The following CELSR1 variants were observed in gnomAD, a reference collection of about 807,000 sequenced individuals.
CELSR1 encodes the protein adhesion G protein-coupled receptor C1.
CELSR1 carries 110 observed loss-of-function variants against 249.1 expected under a neutral mutation model. The ratio of observed to expected loss-of-function variants is 0.44; its 90% CI spans 0.38 to 0.52. The LOEUF (loss-of-function observed/expected upper bound fraction) is 0.52. CELSR1 is among the 20% of genes least tolerant of loss of function. The pLI is 0.00. For missense variants in CELSR1, 4,109 were observed against 4,296.4 expected (o/e 0.96, Z 1.22); for synonymous variants, 2,113 against 1,900.0 (o/e 1.11, Z -2.92).
chr22:46,522,620 G>C (rs1357373227), intron 1 of CELSR1, among the ~76,000 whole-genome samples: 1 of 152,220 alleles, frequency 6.6e-6, no homozygotes, highest in East Asian at 1.9e-4. Flanking sequence ...TTTCATAACA[G>C]TTTTTAAATG....
rs555909737 is a variant in CELSR1 at position 46,447,591 on chromosome 22, G to A, written c.4184-8180C>T. ...CCTGCCAAAAGCTCCCCCTCTCCCC[G>A]TAGGAGGGACGCAGGGCTCAGCTTC... On this transcript the variant is annotated intron_variant, in intron 2 of 34. Transcript: ENST00000674500. The surrounding 1 kb of genome is among the most constrained non-coding windows in gnomAD (Gnocchi z 4.7). 2.8e-4 allele frequency among the ~76,000 whole-genome samples: 43 copies of A among 152,228 alleles called. No homozygotes were observed. The highest frequency in any genetic ancestry group is 8.9e-4 in the African/African-American group (37 of 41,536).
rs1459364704 is a variant in CELSR1 at position 46,440,749 on chromosome 22, T to C, written c.4184-1338A>G. Among the ~76,000 whole-genome samples, 3 of 152,362 alleles carry C rather than the reference T, an allele frequency of 2.0e-5. No individual in the cohort carries two copies. The East Asian group carries it at 5.8e-4, about 29-fold the overall frequency. ...TTCATGGCAATTTCCCCCAGCTTAA[T>C]GTTTAACATTAGGTTTTATGTATTT... On this transcript the variant is annotated intron_variant, in intron 2 of 34. Transcript: ENST00000674500. This position sits in a 1 kb window ranked among gnomAD's most constrained non-coding sequence, Gnocchi z 4.7.
chr22:46,422,664 G>GA, intron 5 of CELSR1, among the ~76,000 whole-genome samples: 1 of 151,660 alleles, frequency 6.6e-6, no homozygotes, highest in South Asian at 2.1e-4. Context: ...CTACTCAGGA[G>GA]ACTGAGGCAG....
rs1486832588 is a variant in CELSR1 at position 46,396,995 on chromosome 22, C to T, written c.5702-249G>A. Among the ~76,000 whole-genome samples the T allele has an allele frequency of 1.3e-5, 2 of 151,404 alleles. No homozygotes were observed. Among genetic ancestry groups the T allele is most frequent in the African/African-American group, 4.9e-5 (2 of 40,748 alleles). On this transcript the variant is annotated intron_variant, in intron 12 of 34. Coordinates refer to ENST00000674500, the MANE Select transcript of CELSR1 (RefSeq NM_001378328.1). This position sits in a 1 kb window ranked among gnomAD's most constrained non-coding sequence, Gnocchi z 6.4. ...GCCTTGGAACACGGGGCCCAGGCTG[C>T]CCCAGGACACATGGGGAATGGCCAC...
At chr22:46,456,629 C>T (rs951615524) in intron 2 of CELSR1, among the ~76,000 whole-genome samples, 19 of 128,542 alleles carry the variant, frequency 1.5e-4, no homozygotes, top group African/African-American at 2.6e-4. Context: ...TGCCGCTGCA[C>T]TTCAGCCTGG....
chr22:46,389,223 G>A (rs2079062243), intron 18 of CELSR1, 67 bp downstream of exon 18: 2 of 1,536,128 alleles, frequency 1.3e-6, no homozygotes, highest in African/African-American at 2.7e-5. Context: ...CAGCCCCACA[G>A]CACCCACCCA....
At chr22:46,369,977 T>C (rs1286410451) in intron 25 of CELSR1, 173 bp from the exon 26 acceptor site, 1 of 678,536 alleles carries the variant, frequency 1.5e-6, no homozygotes, top group Admixed American at 2.1e-5. Flanking sequence ...AGTCTCTCCG[T>C]GTAGGGTCTC....
chr22:46,433,623 G>C lies in CELSR1; in HGVS notation c.4523-142C>G. Reference sequence around the variant, plus strand: ...TCCCCTCCCCACGGCACCATGGTGGGAGGCGCCCACCACTCCATCCATTTT... The same window carrying C: ...TCCCCTCCCCACGGCACCATGGTGGCAGGCGCCCACCACTCCATCCATTTT... On this transcript the variant is annotated intron_variant, in intron 4 of 34. Coordinates refer to ENST00000674500, the MANE Select transcript of CELSR1 (RefSeq NM_001378328.1). This position sits in a 1 kb window ranked among gnomAD's most constrained non-coding sequence, Gnocchi z 5.7. The C allele has an allele frequency of 1.6e-6, 1 of 618,060 alleles. No homozygotes were observed. 38.3% of individuals were successfully genotyped at this position (618,060 alleles called of 1,614,324 possible).
chr22:46,491,507 C>G (rs2147698898), intron 1 of CELSR1, among the ~76,000 whole-genome samples: 1 of 152,048 alleles, frequency 6.6e-6, no homozygotes, highest in South Asian at 2.1e-4. Flanking sequence ...TTGTGATCTG[C>G]CCACTTCGGC....
Position 46,448,358 on chromosome 22 carries a change from T to TG in CELSR1, c.4184-8948dup. Reference sequence around the variant, plus strand: ...GCTCAAGAGCTCCAGAACTTACCCCTGGGGGGCTGCTCCAGGAGCTAGGAG... The same window carrying TG: ...GCTCAAGAGCTCCAGAACTTACCCCTGGGGGGGCTGCTCCAGGAGCTAGGAG... On this transcript the variant is annotated intron_variant, in intron 2 of 34. Coordinates refer to ENST00000674500, the MANE Select transcript of CELSR1 (RefSeq NM_001378328.1). This position sits in a 1 kb window ranked among gnomAD's most constrained non-coding sequence, Gnocchi z 5.7. 6.6e-6 allele frequency among the ~76,000 whole-genome samples: 1 copy of TG among 151,586 alleles called. No individual in the cohort carries two copies. The highest frequency in any genetic ancestry group is 2.4e-5 in the African/African-American group (1 of 41,288).
In CELSR1 at chr22:46,380,757, C is replaced by T; in HGVS notation, c.7256+31G>A. On this transcript the variant is annotated intron_variant, in intron 22 of 34. Coordinates refer to ENST00000674500, the MANE Select transcript of CELSR1 (RefSeq NM_001378328.1). This position sits in a 1 kb window ranked among gnomAD's most constrained non-coding sequence, Gnocchi z 5.1. ...CGGGGGCACTCTGCCTTGGCAAAGC[C>T]CTCACATGGGGCTCCTGGCGTCACA... 6.2e-7 allele frequency: 1 copy of T among 1,604,214 alleles called. No individual in the cohort carries two copies. The highest frequency in any genetic ancestry group is 8.5e-7 in the Non-Finnish European group (1 of 1,174,700).
chr22:46,511,409 G>C (rs908315133), intron 1 of CELSR1, among the ~76,000 whole-genome samples: 11 of 152,164 alleles, frequency 7.2e-5, no homozygotes, highest in African/African-American at 2.4e-4. Context: ...TCCCAACCGG[G>C]ACCAACACGT....
rs138095174 is a variant in CELSR1 at position 46,364,179 on chromosome 22, C to T, written c.8852G>A (p.Arg2951Gln). 59 of 1,612,026 alleles carry T rather than the reference C, an allele frequency of 3.7e-5. No individual in the cohort carries two copies. The highest frequency in any genetic ancestry group is 4.7e-5 in the Non-Finnish European group (55 of 1,179,818). The change falls in exon 34 of 35, where the codon CGG becomes CAG. Residue 2951 changes from arginine (R) to glutamine (Q), a missense_variant. Arg to Gln is a conservative substitution (Grantham distance 43, BLOSUM62 1). Coordinates refer to ENST00000674500, the MANE Select transcript of CELSR1 (RefSeq NM_001378328.1). Reference sequence around the variant, plus strand: ...CTGCTCACAGTCGGCCAGCTTCTCCCGGAGCCGGCCCTTCAGCGTCTGCTC... The same window carrying T: ...CTGCTCACAGTCGGCCAGCTTCTCCTGGAGCCGGCCCTTCAGCGTCTGCTC... ...LTEQTLKGRL[R>Q]EKLADCEQSP... is the part of the protein sequence containing the mutation.
At chr22:46,368,319 G>A (rs945656227) in intron 27 of CELSR1, among the ~76,000 whole-genome samples, 3 of 152,088 alleles carry the variant, frequency 2.0e-5, no homozygotes, top group African/African-American at 7.2e-5. Context: ...GTTCAGAGGG[G>A]ATGGAGTGAA....
chr22:46,428,514 C>T lies in CELSR1; in HGVS notation c.4611+4879G>A, dbSNP rs1323564422. On this transcript the variant is annotated intron_variant, in intron 5 of 34. Transcript: ENST00000674500. The surrounding 1 kb of genome is among the most constrained non-coding windows in gnomAD (Gnocchi z 5.7). ...GCTAGCTGAGCTCCCGTCTCACTAG[C>T]CCAGTGGTTCTCATCCAGGGCATGA... Among the ~76,000 whole-genome samples, 1 of 152,226 alleles carries T rather than the reference C, an allele frequency of 6.6e-6. No homozygotes were observed. Among genetic ancestry groups the T allele is most frequent in the African/African-American group, 2.4e-5 (1 of 41,458 alleles).
rs2079144188 is a variant in CELSR1 at position 46,396,035 on chromosome 22, G to A, written c.5843+570C>T. On this transcript the variant is annotated intron_variant, in intron 13 of 34. Coordinates refer to ENST00000674500, the MANE Select transcript of CELSR1 (RefSeq NM_001378328.1). This position sits in a 1 kb window ranked among gnomAD's most constrained non-coding sequence, Gnocchi z 6.4. ...ATGGGGCCTGTTTGCTCTGGGCCCA[G>A]TGAGGACTCCAGGTGAGTCATTTGC... Among the ~76,000 whole-genome samples the A allele has an allele frequency of 6.6e-6, 1 of 152,190 alleles. No individual in the cohort carries two copies. The highest frequency in any genetic ancestry group is 2.4e-5 in the African/African-American group (1 of 41,472).
intron 1 of CELSR1, among the ~76,000 whole-genome samples, chr22:46,524,069 C>T (rs748753861): frequency 2.2e-4 from 33 of 152,232 alleles, no homozygotes; most frequent in Non-Finnish European, 4.1e-4. Flanking sequence ...CCCAGGGCCT[C>T]GCCACTGACA....
In CELSR1 at chr22:46,398,034, G is replaced by T. The variant is rs1159686283; in HGVS notation, c.5527-186C>A. 6.6e-6 allele frequency among the ~76,000 whole-genome samples: 1 copy of T among 152,220 alleles called. No homozygotes were observed. Among genetic ancestry groups the T allele is most frequent in the African/African-American group, 2.4e-5 (1 of 41,464 alleles). On this transcript the variant is annotated intron_variant, in intron 11 of 34. Coordinates refer to ENST00000674500, the MANE Select transcript of CELSR1 (RefSeq NM_001378328.1). This position sits in a 1 kb window ranked among gnomAD's most constrained non-coding sequence, Gnocchi z 7.2. ...CCTGCTGGCCGGAGTGCAGTGGAGG[G>T]CTGGGTGAGGAGCTCAGAGGGCACG... is the stretch of plus-strand genomic sequence containing the variant.
rs1378846875 is a variant in CELSR1 at position 46,407,730 on chromosome 22, G to T, written c.5226+1266C>A. 2.0e-5 allele frequency among the ~76,000 whole-genome samples: 3 copies of T among 152,220 alleles called. No homozygotes were observed. The highest frequency in any genetic ancestry group is 4.4e-5 in the Non-Finnish European group (3 of 68,044). On this transcript the variant is annotated intron_variant, in intron 9 of 34. Coordinates refer to ENST00000674500, the MANE Select transcript of CELSR1 (RefSeq NM_001378328.1). The surrounding 1 kb of genome is among the most constrained non-coding windows in gnomAD (Gnocchi z 4.8). ...AATCAAGACAGAGCGCCCTGCTCAG[G>T]CACGGCTCCCACAGGCCACTCCCGT...
Sources: gnomAD v4.1 joint callset for allele counts (sites outside exome capture counted in the v4.1 genomes callset) on GRCh38, gnomAD v4.1.1 for gene constraint, Gnocchi (gnomAD v3.1) non-coding constraint, MANE v1.5 for transcripts, NCBI Gene and HGNC (gene_info 2026-07-23, HGNC 2026-07-21) for gene names.